The following CRY1 variants were observed in gnomAD, a reference collection of about 807,000 sequenced individuals.
CRY1 encodes cryptochrome circadian regulator 1.
A neutral mutation model predicts 76.0 loss-of-function variants in CRY1; 45 were observed. The ratio of observed to expected loss-of-function variants is 0.59; its 90% CI spans 0.47 to 0.76. CRY1 has a LOEUF of 0.76. CRY1 is among the 30% of genes least tolerant of loss of function. CRY1 has a pLI of 0.00. For synonymous variants in CRY1, 248 were observed against 244.0 expected, an observed-to-expected ratio of 1.02 and a Z score of -0.15; for missense variants, 587 against 716.4, an observed-to-expected ratio of 0.82 and a Z score of 2.06.
intron 2 of CRY1, among the ~76,000 whole-genome samples, chr12:107,011,061 G>C (rs974562744): frequency 6.6e-6 from 1 of 152,082 alleles, no homozygotes; most frequent in African/African-American, 2.4e-5. Context: ...GGTGAGACAG[G>C]CCAGGCTGGG....
chr12:107,030,574 A>C (rs928039988), intron 1 of CRY1, among the ~76,000 whole-genome samples: 1 of 152,190 alleles, frequency 6.6e-6, no homozygotes, highest in Non-Finnish European at 1.5e-5. Flanking sequence ...CATGGTAACA[A>C]ATCAGTCAAA....
chr12:107,057,990 A>G (rs1037386864), intron 1 of CRY1, among the ~76,000 whole-genome samples: 1 of 151,600 alleles, frequency 6.6e-6, no homozygotes, highest in African/African-American at 2.4e-5. Flanking sequence ...CAGGAGTTTG[A>G]GGCTGTAGTA....
At chr12:107,038,571 C>T (rs769195306) in intron 1 of CRY1, among the ~76,000 whole-genome samples, 3 of 152,004 alleles carry the variant, frequency 2.0e-5, no homozygotes, top group South Asian at 2.1e-4. Context: ...GACAGCAAAA[C>T]GAAGACTAAC....
At chr12:107,077,779 C>T (rs1400239573) in intron 1 of CRY1, among the ~76,000 whole-genome samples, 1 of 152,080 alleles carries the variant, frequency 6.6e-6, no homozygotes, top group South Asian at 2.1e-4. Context: ...TTACCTCTCT[C>T]ATAAAAAATC....
At chr12:107,066,594 T>G (rs1440719524) in intron 1 of CRY1, among the ~76,000 whole-genome samples, 1 of 151,954 alleles carries the variant, frequency 6.6e-6, no homozygotes, top group Non-Finnish European at 1.5e-5. Flanking sequence ...TAACAGAGAC[T>G]ACATGGGACT....
At chr12:107,035,320 G>A (rs1952722446) in intron 1 of CRY1, among the ~76,000 whole-genome samples, 1 of 152,124 alleles carries the variant, frequency 6.6e-6, no homozygotes, top group Admixed American at 6.6e-5. Context: ...ATCCAGTAAT[G>A]TATCTATTAA....
Position 107,061,159 on chromosome 12 carries a change from T to C in CRY1, c.158+31645A>G, listed in dbSNP as rs142359755. 2.0e-3 allele frequency among the ~76,000 whole-genome samples: 303 copies of C among 152,268 alleles called. 1 individual carries two copies. Among genetic ancestry groups the C allele is most frequent in the African/African-American group, 6.7e-3 (277 of 41,552 alleles). On this transcript the variant is annotated intron_variant, in intron 1 of 12. Coordinates refer to ENST00000008527, the MANE Select transcript of CRY1 (RefSeq NM_004075.5). ...GGACCACTAAATTCAGGTAAATTAA[T>C]AGAAAATATATTAAAATGTTTAATA...
rs1257876742 is a variant in CRY1 at position 107,093,099 on chromosome 12, G to A, written c.-138C>T. 4.8e-6 allele frequency: 5 copies of A among 1,046,660 alleles called. No homozygotes were observed. Among genetic ancestry groups the A allele is most frequent in the African/African-American group, 1.6e-5 (1 of 61,140 alleles). The allele number at this position is 1,046,660 out of a possible 1,614,324, so 64.8% of individuals were successfully genotyped here. ...CGGCAGAGGGGGAACAGGAAAAAATGACTCCGAGGAGGGGACCGGAGAAGG... is the reference window on the plus strand; with the variant it reads ...CGGCAGAGGGGGAACAGGAAAAAATAACTCCGAGGAGGGGACCGGAGAAGG... On this transcript the variant is annotated 5_prime_UTR_variant, in exon 1 of 13. Coordinates refer to ENST00000008527, the MANE Select transcript of CRY1 (RefSeq NM_004075.5).
chr12:107,005,642 A>G (rs943813357), intron 2 of CRY1, among the ~76,000 whole-genome samples: 1 of 152,162 alleles, frequency 6.6e-6, no homozygotes, highest in African/African-American at 2.4e-5. Context: ...AAACTTAGGG[A>G]CCTGCCAGAG....
rs988224611 is a variant in CRY1 at position 106,995,130 on chromosome 12, T to C, written c.1586-2094A>G. 2.0e-5 allele frequency among the ~76,000 whole-genome samples: 3 copies of C among 152,338 alleles called. No homozygotes were observed. In the East Asian group the frequency reaches 5.8e-4, roughly 29 times the overall value. On this transcript the variant is annotated intron_variant, in intron 10 of 12. Transcript: ENST00000008527. ...CAACTACTTACTAACTGTGGGATCT[T>C]GGTTAAGTTACCTAATCTTTCTAGG...
rs1952251197 is a variant in CRY1, at chr12:106,997,863, G to A, written c.1289+52C>T. On this transcript the variant is annotated intron_variant, in intron 8 of 12. Transcript: ENST00000008527. Reference sequence around the variant, plus strand: ...TTTAAGCATTGATTAAACATGAAAAGCTCTTCTTGAATTAACTATTCCAAA... The same window carrying A: ...TTTAAGCATTGATTAAACATGAAAAACTCTTCTTGAATTAACTATTCCAAA... 3 of 1,588,044 alleles carry A rather than the reference G, an allele frequency of 1.9e-6. No homozygotes were observed. The East Asian group carries it at 6.7e-5, about 36-fold the overall frequency.
chr12:107,090,102 T>C (rs1953452955), intron 1 of CRY1, among the ~76,000 whole-genome samples: 1 of 152,070 alleles, frequency 6.6e-6, no homozygotes, highest in South Asian at 2.1e-4. Context: ...TTTTCTTTTT[T>C]TTTTTGAGAC....
intron 2 of CRY1, among the ~76,000 whole-genome samples, chr12:107,009,591 TATATATATATAA>T (rs776065462): frequency 0.28 from 26,250 of 93,160 alleles, 3,724 homozygotes; most frequent in East Asian, 0.53. Flanking sequence ...TATATATATA[TATATATATATAA>T]AATCTCTATA....
chr12:107,031,909 G>C (rs918977836), intron 1 of CRY1, among the ~76,000 whole-genome samples: 2 of 152,090 alleles, frequency 1.3e-5, no homozygotes, highest in Non-Finnish European at 2.9e-5. Context: ...CTGGAGTTTA[G>C]TTAGTACTAT....
intron 1 of CRY1, among the ~76,000 whole-genome samples, chr12:107,040,144 T>G (rs1229834504): frequency 6.6e-6 from 1 of 152,138 alleles, no homozygotes; most frequent in Non-Finnish European, 1.5e-5. Flanking sequence ...GTATATAAAC[T>G]GGTCAAACTC....
At chr12:106,997,236 T>C (rs1426048116) in intron 10 of CRY1, 58 bp downstream of exon 10, 1 of 1,384,878 alleles carries the variant, frequency 7.2e-7, no homozygotes, top group African/African-American at 1.4e-5. Context: ...CAATAACAAA[T>C]ATATTTGTTT....
Position 107,001,308 on chromosome 12 carries a change from G to T in CRY1, c.656C>A (p.Thr219Asn), listed in dbSNP as rs368388382. 4.3e-6 allele frequency: 7 copies of T among 1,613,518 alleles called. No individual in the cohort carries two copies. In the African/African-American group the frequency reaches 8.0e-5, roughly 18 times the overall value. Residue 219 changes from threonine to asparagine, a missense_variant, in exon 5 of 13, where the codon ACT becomes AAT. Physicochemically the swap from Thr to Asn is moderately conservative, Grantham distance 65 (BLOSUM62 0). Transcript: ENST00000008527. Reference protein sequence around the residue: ...VWPGGETEALTRLERHLERKA... With the variant: ...VWPGGETEALNRLERHLERKA... Reference sequence around the variant, plus strand: ...TCTTTCCAAATGCCTTTCCAAACGAGTAAGTGCTTCAGTTTCTCCACCTGG... The same window carrying T: ...TCTTTCCAAATGCCTTTCCAAACGATTAAGTGCTTCAGTTTCTCCACCTGG...
chr12:107,014,387 C>T (rs1293591190), intron 2 of CRY1, among the ~76,000 whole-genome samples: 1 of 152,166 alleles, frequency 6.6e-6, no homozygotes, highest in Non-Finnish European at 1.5e-5. Flanking sequence ...CCGGCATACT[C>T]ATCTGCTAGC....
intron 1 of CRY1, among the ~76,000 whole-genome samples, chr12:107,032,226 G>A (rs1053063554): frequency 6.6e-6 from 1 of 151,432 alleles, no homozygotes; most frequent in Non-Finnish European, 1.5e-5. Flanking sequence ...GAGCCACCAC[G>A]CCCGGCCAGT....
Sources: gnomAD v4.1 joint callset for allele counts (sites outside exome capture counted in the v4.1 genomes callset) on GRCh38, gnomAD v4.1.1 for gene constraint, MANE v1.5 for transcripts, NCBI Gene and HGNC (gene_info 2026-07-23, HGNC 2026-07-21) for gene names.